PKN2: variants seen among roughly 807,000 people sequenced by gnomAD.
PKN2 encodes protein kinase N2, also known as serine/threonine-protein kinase N2.
A neutral mutation model predicts 119.1 loss-of-function variants in PKN2; 38 were observed. That is an observed-to-expected ratio of 0.32 (90% CI 0.25 to 0.42). PKN2 has a LOEUF of 0.42. PKN2 is among the 10% of genes least tolerant of loss of function. PKN2 has a pLI of 1.00. For missense variants in PKN2, 850 were observed against 1,165.1 expected, an observed-to-expected ratio of 0.73 and a Z score of 3.94; for synonymous variants, 390 against 384.9, an observed-to-expected ratio of 1.01 and a Z score of -0.15.
chr1:88,785,377 G>A (rs1255678079), intron 7 of PKN2, among the ~76,000 whole-genome samples: 1 of 152,092 alleles, frequency 6.6e-6, no homozygotes, highest in East Asian at 1.9e-4. Flanking sequence ...TTCCACCTCA[G>A]CCTCCCAAAG....
At chr1:88,772,254 T>G (rs1669926200) in intron 6 of PKN2, among the ~76,000 whole-genome samples, 1 of 152,236 alleles carries the variant, frequency 6.6e-6, no homozygotes, top group Non-Finnish European at 1.5e-5. Context: ...TGTGACCTTT[T>G]TTGCCTGGCT....
intron 16 of PKN2, chr1:88,816,784 C>T (rs905791045): frequency 2.6e-5 from 4 of 152,200 alleles, no homozygotes; most frequent in African/African-American, 9.7e-5. Flanking sequence ...GACCCGTGCT[C>T]ACTTCAGCAG....
At chr1:88,764,045 C>T (rs961563493) in intron 3 of PKN2, among the ~76,000 whole-genome samples, 1 of 152,256 alleles carries the variant, frequency 6.6e-6, no homozygotes, top group Non-Finnish European at 1.5e-5. Flanking sequence ...TATTTTCACC[C>T]TCCTGCTTCA....
At chr1:88,692,948 G>A (rs760806654) in intron 1 of PKN2, among the ~76,000 whole-genome samples, 15 of 152,130 alleles carry the variant, frequency 9.9e-5, no homozygotes, top group Non-Finnish European at 1.9e-4. Flanking sequence ...TATATTAATA[G>A]TTTATGGCCT....
At chr1:88,711,851 A>G (rs993389474) in intron 1 of PKN2, among the ~76,000 whole-genome samples, 2 of 152,112 alleles carry the variant, frequency 1.3e-5, no homozygotes, top group Non-Finnish European at 2.9e-5. Flanking sequence ...ATTTTCTTAT[A>G]TTGTCCTCTA....
intron 1 of PKN2, among the ~76,000 whole-genome samples, chr1:88,710,589 A>G (rs1213620729): frequency 1.3e-5 from 2 of 152,248 alleles, no homozygotes; most frequent in East Asian, 3.8e-4. Context: ...ATGCAAATCA[A>G]AACCACAGTG....
At chr1:88,795,758 G>A (rs187308045) in intron 8 of PKN2, among the ~76,000 whole-genome samples, 40 of 152,296 alleles carry the variant, frequency 2.6e-4, no homozygotes, top group African/African-American at 9.1e-4. Flanking sequence ...CTTCATTAGA[G>A]TTAGCAAACT....
intron 2 of PKN2, among the ~76,000 whole-genome samples, chr1:88,744,998 T>C (rs1298854613): frequency 6.6e-6 from 1 of 152,232 alleles, no homozygotes; most frequent in Non-Finnish European, 1.5e-5. Context: ...AAGATGATCA[T>C]ATGATTTTTG....
Position 88,784,732 on chromosome 1 carries a change from G to C in PKN2, c.1079G>C (p.Ser360Thr). 1 of 1,612,408 alleles carries C rather than the reference G, an allele frequency of 6.2e-7. No homozygotes were observed. Among genetic ancestry groups the C allele is most frequent in the East Asian group, 2.2e-5 (1 of 44,798 alleles). The change falls in exon 7 of 22, where the codon AGT (serine) becomes ACT (threonine). Residue 360 changes from serine to threonine, a missense_variant. Ser to Thr is a moderately conservative substitution (Grantham distance 58, BLOSUM62 1). Transcript: ENST00000370521. The part of the protein sequence containing the change: ...KATSVALPGW[S>T]PSETRSSFMS... ...ACATCAGTTGCACTGCCTGGTTGGAGTCCAAGTGAAACCAGATCATCTTTC... is the reference window on the plus strand; with the variant it reads ...ACATCAGTTGCACTGCCTGGTTGGACTCCAAGTGAAACCAGATCATCTTTC...
chr1:88,835,151 A>C lies in PKN2; in HGVS notation c.*1703A>C, dbSNP rs1570704374. On this transcript the variant is annotated 3_prime_UTR_variant, in exon 22 of 22. Coordinates refer to ENST00000370521, the MANE Select transcript of PKN2 (RefSeq NM_006256.4). ...TTAAAATTGTCCAGAGATCATTTATATTACCTTCCAAATTGTTTATTACCC... is the reference window on the plus strand; with the variant it reads ...TTAAAATTGTCCAGAGATCATTTATCTTACCTTCCAAATTGTTTATTACCC... 1 of 152,250 alleles carries C rather than the reference A, an allele frequency of 6.6e-6. No homozygotes were observed. Among genetic ancestry groups the C allele is most frequent in the Non-Finnish European group, 1.5e-5 (1 of 67,900 alleles). The allele number at this position is 152,250 out of a possible 1,614,324, so 9.4% of individuals were successfully genotyped here.
chr1:88,761,265 A>G (rs1669428499), intron 3 of PKN2, among the ~76,000 whole-genome samples: 1 of 152,192 alleles, frequency 6.6e-6, no homozygotes, highest in South Asian at 2.1e-4. Context: ...ATTCTGAGAA[A>G]GATATAAAGT....
At chr1:88,809,009 A>G (rs1570664538) in intron 15 of PKN2, among the ~76,000 whole-genome samples, 1 of 152,228 alleles carries the variant, frequency 6.6e-6, no homozygotes, top group South Asian at 2.1e-4. Flanking sequence ...TAGATATGCC[A>G]AATTGCAACT....
In PKN2 at chr1:88,771,776, A is replaced by G. The variant is rs1322385410; in HGVS notation, c.882A>G (p.Glu294=). 8 of 1,613,994 alleles carry G rather than the reference A, an allele frequency of 5.0e-6. No individual in the cohort carries two copies. The highest frequency in any genetic ancestry group is 3.3e-5 in the South Asian group (3 of 91,082). The part of the protein sequence containing the change: ...KNHPKSRIII[E]ELSLVAASPT... ...ATCCCAAAAGCAGGATTATTATTGA[A>G]GAACTTTCACTTGTTGCTGCATCAC... The change falls in exon 6 of 22, where the codon GAA becomes GAG. Residue 294 remains glutamate (E), a synonymous_variant. Transcript: ENST00000370521.
chr1:88,810,136 T>A (rs1397484548), intron 15 of PKN2, among the ~76,000 whole-genome samples: 2 of 152,144 alleles, frequency 1.3e-5, no homozygotes, highest in Non-Finnish European at 2.9e-5. Flanking sequence ...CTTTTTTTTT[T>A]TGAGACGGAG....
intron 8 of PKN2, among the ~76,000 whole-genome samples, chr1:88,802,053 T>G (rs941007871): frequency 2.0e-5 from 3 of 152,220 alleles, no homozygotes; most frequent in African/African-American, 7.2e-5. Context: ...GAGCTAAGAC[T>G]TGCCTGGGCC....
At chr1:88,689,750 G>A (rs571498032) in intron 1 of PKN2, among the ~76,000 whole-genome samples, 39 of 152,336 alleles carry the variant, frequency 2.6e-4, no homozygotes, top group Admixed American at 1.4e-3. Context: ...GGCGGAGGTT[G>A]CAGTGAGCTG....
chr1:88,698,523 AATCTT>A (rs1289474705), intron 1 of PKN2, among the ~76,000 whole-genome samples: 1 of 152,244 alleles, frequency 6.6e-6, no homozygotes, highest in Non-Finnish European at 1.5e-5. Flanking sequence ...TTTGTTATAT[AATCTT>A]TTAGAGGCAT....
At position 88,743,282 on chromosome 1, in the gene PKN2, T is replaced by G. The variant is rs953445059; in HGVS notation, c.349+1994T>G. Among the ~76,000 whole-genome samples the G allele has an allele frequency of 2.6e-5, 4 of 152,234 alleles. No individual in the cohort carries two copies. The East Asian group carries it at 7.7e-4, about 29-fold the overall frequency. On this transcript the variant is annotated intron_variant, in intron 2 of 21. Coordinates refer to ENST00000370521, the MANE Select transcript of PKN2 (RefSeq NM_006256.4). Reference sequence around the variant, plus strand: ...TAATGATTTTTAACAATTGTGTGTGTGCACCCAGCTAACCATCTCTACAAT... The same window carrying G: ...TAATGATTTTTAACAATTGTGTGTGGGCACCCAGCTAACCATCTCTACAAT...
At chr1:88,787,545 A>G (rs946258843) in intron 8 of PKN2, among the ~76,000 whole-genome samples, 1 of 152,154 alleles carries the variant, frequency 6.6e-6, no homozygotes, top group Non-Finnish European at 1.5e-5. Context: ...GGTGATTTGA[A>G]TGAGATAGAA....
Sources: allele counts gnomAD v4.1 joint callset (sites outside exome capture counted in the v4.1 genomes callset), GRCh38; gene constraint gnomAD v4.1.1; transcripts MANE v1.5; gene names NCBI Gene and HGNC (gene_info 2026-07-23, HGNC 2026-07-21).